POC1B: variants seen among roughly 807,000 people sequenced by gnomAD.
POC1B encodes the protein POC1 centriolar protein B.
A neutral mutation model predicts 60.6 loss-of-function variants in POC1B; 44 were observed. The ratio of observed to expected loss-of-function variants is 0.73; its 90% CI spans 0.57 to 0.93. POC1B has a LOEUF of 0.93. Among genes scored for constraint, POC1B ranks in the 40% least tolerant of loss-of-function variants. The pLI, the probability that POC1B is intolerant of heterozygous loss-of-function variation, is 0.00. For missense variants in POC1B, 555 were observed against 572.3 expected (o/e 0.97, Z 0.31); for synonymous variants, 180 against 198.9 (o/e 0.90, Z 0.80).
intron 10 of POC1B, among the ~76,000 whole-genome samples, chr12:89,434,937 T>C (rs1180937604): frequency 6.6e-6 from 1 of 152,140 alleles, no homozygotes; most frequent in East Asian, 1.9e-4. Flanking sequence ...GAGTGAAAAA[T>C]GTATTTAATA....
At position 89,425,122 on chromosome 12, in the gene POC1B, A is replaced by G. The variant is rs780623902; in HGVS notation, c.1332+39T>C. 4.4e-6 allele frequency: 7 copies of G among 1,593,384 alleles called. No individual in the cohort carries two copies. The South Asian group carries it at 5.5e-5, about 13-fold the overall frequency. ...TATCCAGAATTGTTTTGTGTATTTT[A>G]CCCCCAAGTGCAACTCATGCAACCT... On this transcript the variant is annotated intron_variant, in intron 11 of 11. Coordinates refer to ENST00000313546, the MANE Select transcript of POC1B (RefSeq NM_172240.3).
rs1283472843 is a variant in POC1B, at chr12:89,499,088, G to A, written c.101-1746C>T. 4.6e-5 allele frequency among the ~76,000 whole-genome samples: 7 copies of A among 152,042 alleles called. No individual in the cohort carries two copies. In the South Asian group the frequency reaches 1.0e-3, roughly 23 times the overall value. ...GTGCAAAAGCACCTGGAAGAATGAG[G>A]AATGACAAGGAGGTCAGCGTTTCCA... On this transcript the variant is annotated intron_variant, in intron 2 of 11. Transcript: ENST00000313546.
At chr12:89,405,516 G>A in the POC1B span, among the ~76,000 whole-genome samples, 1 of 152,174 alleles carries the variant, frequency 6.6e-6, no homozygotes, top group Non-Finnish European at 1.5e-5. Context: ...GGTGGCGTAT[G>A]CCTGTAATCC....
intron 2 of POC1B, among the ~76,000 whole-genome samples, chr12:89,503,689 C>T (rs1439655638): frequency 4.8e-5 from 7 of 146,088 alleles, no homozygotes; most frequent in East Asian, 2.1e-4. Flanking sequence ...TGCCCTGCTG[C>T]GACCCCGTCT....
intron 1 of POC1B, 75 bp downstream of exon 1, chr12:89,525,806 C>G: frequency 2.9e-6 from 4 of 1,383,084 alleles, no homozygotes; most frequent in Non-Finnish European, 3.8e-6. Context: ...GGTGCGGCTT[C>G]GGCCCGGACC....
chr12:89,506,079 G>C (rs1869880873), intron 2 of POC1B, among the ~76,000 whole-genome samples: 1 of 152,204 alleles, frequency 6.6e-6, no homozygotes, highest in Non-Finnish European at 1.5e-5. Flanking sequence ...TAGTAGTTTT[G>C]AGATGCCAAT....
At chr12:89,523,235 C>G (rs778964233) in intron 2 of POC1B, 4 of 1,613,940 alleles carry the variant, frequency 2.5e-6, no homozygotes, top group Non-Finnish European at 3.4e-6. Context: ...GGTCTATCCT[C>G]TGGAACATGT....
intron 2 of POC1B, chr12:89,523,707 A>C: frequency 6.5e-7 from 1 of 1,545,696 alleles, no homozygotes; most frequent in Admixed American, 2.2e-5. Flanking sequence ...GAAATGTTAA[A>C]CGCCAGTCAA....
chr12:89,484,755 C>G (rs1868544161), intron 4 of POC1B, among the ~76,000 whole-genome samples: 1 of 152,204 alleles, frequency 6.6e-6, no homozygotes, highest in East Asian at 1.9e-4. Context: ...CTGAAAGATA[C>G]TACGTCAACA....
intron 4 of POC1B, chr12:89,485,327 C>G (rs1207867240): frequency 6.6e-6 from 1 of 152,188 alleles, no homozygotes; most frequent in African/African-American, 2.4e-5. Flanking sequence ...TCTAAACTCT[C>G]TTGTTCTAAC....
chr12:89,488,891 T>A (rs1233176641), intron 4 of POC1B, among the ~76,000 whole-genome samples: 2 of 152,322 alleles, frequency 1.3e-5, no homozygotes, highest in East Asian at 3.9e-4. Context: ...CTGTGAAGAA[T>A]ATGCTTCCTT....
intron 2 of POC1B, chr12:89,523,597 T>C (rs1251995347): frequency 3.8e-6 from 6 of 1,564,486 alleles, no homozygotes; most frequent in Admixed American, 2.0e-5. Context: ...AAAATATTTC[T>C]TGCTGACAGC....
intron 3 of POC1B, among the ~76,000 whole-genome samples, chr12:89,493,421 T>C (rs1869084036): frequency 6.6e-6 from 1 of 152,218 alleles, no homozygotes; most frequent in African/African-American, 2.4e-5. Context: ...TAAAGGCTCG[T>C]AGATCCAACC....
At chr12:89,522,374 A>T in intron 2 of POC1B, 1 of 389,384 alleles carries the variant, frequency 2.6e-6, no homozygotes, top group East Asian at 3.6e-5. Flanking sequence ...AGAAATACAA[A>T]TTCTATGTAA....
Position 89,463,598 on chromosome 12 carries a change from C to CA in POC1B, c.1032+3171dup, listed in dbSNP as rs201329872. Among the ~76,000 whole-genome samples, 39 of 151,292 alleles carry CA rather than the reference C, an allele frequency of 2.6e-4. No homozygotes were observed. In the East Asian group the frequency reaches 4.8e-3, roughly 19 times the overall value. On this transcript the variant is annotated intron_variant, in intron 9 of 11. Coordinates refer to ENST00000313546, the MANE Select transcript of POC1B (RefSeq NM_172240.3). ...TGTAAAAACTGGGCTTCTTTCCCAT[C>CA]AAAAAAAAGAGAGAGAGGTACTGTT...
the POC1B span, among the ~76,000 whole-genome samples, chr12:89,410,330 C>T: frequency 1.3e-5 from 2 of 152,196 alleles, no homozygotes; most frequent in Non-Finnish European, 2.9e-5. Context: ...ATATTTATGA[C>T]AAACCCACAG....
At chr12:89,524,588 G>C (rs1871250353) in intron 2 of POC1B, 1 of 1,606,096 alleles carries the variant, frequency 6.2e-7, no homozygotes, top group Non-Finnish European at 8.5e-7. Flanking sequence ...CGGCCACCAA[G>C]CCACCACGCA....
chr12:89,422,504 TC>T lies in POC1B; in HGVS notation c.1333-1248del, dbSNP rs201527888. Among the ~76,000 whole-genome samples the T allele has an allele frequency of 6.9e-3, 1,056 of 152,258 alleles. 17 individuals carry two copies. The highest frequency in any genetic ancestry group is 0.025 in the African/African-American group (1,026 of 41,546). On this transcript the variant is annotated intron_variant, in intron 11 of 11. Coordinates refer to ENST00000313546, the MANE Select transcript of POC1B (RefSeq NM_172240.3). Reference sequence around the variant, plus strand: ...GCCTGTTCTTCCATCTTCTGTACATTCTCTAAGTTGGCTATTGGATCCAAAG... The same window carrying T: ...GCCTGTTCTTCCATCTTCTGTACATTTCTAAGTTGGCTATTGGATCCAAAG...
intron 11 of POC1B, among the ~76,000 whole-genome samples, chr12:89,424,272 G>T (rs746091545): frequency 8.5e-5 from 13 of 152,140 alleles, no homozygotes; most frequent in Non-Finnish European, 1.5e-4. Flanking sequence ...GATGCTAGGG[G>T]CTTATCCCAG....
Sources: allele counts gnomAD v4.1 joint callset (sites outside exome capture counted in the v4.1 genomes callset), GRCh38; gene constraint gnomAD v4.1.1; transcripts MANE v1.5; gene names NCBI Gene and HGNC (gene_info 2026-07-23, HGNC 2026-07-21).